Variants in MAF observed in about 807,000 individuals in gnomAD.
The protein encoded by MAF is MAF bZIP transcription factor, also known as transcription factor Maf.
Under a neutral mutation model 22.0 loss-of-function variants are expected in MAF, and 10 were observed. That is an observed-to-expected ratio of 0.45 (90% CI 0.28 to 0.77). The LOEUF (loss-of-function observed/expected upper bound fraction) is 0.77, where lower values mean the gene tolerates loss of function less well. MAF is among the 30% of genes least tolerant of loss of function. MAF has a pLI of 0.12. For missense variants in MAF, 544 were observed against 548.4 expected (o/e 0.99, Z 0.08); for synonymous variants, 337 against 255.8 (o/e 1.32, Z -3.03).
the MAF span, among the ~76,000 whole-genome samples, chr16:79,237,892 G>A: frequency 6.6e-6 from 1 of 152,106 alleles, no homozygotes; most frequent in African/African-American, 2.4e-5. Flanking sequence ...GGTCTAGCCA[G>A]ATGCACCCTC....
chr16:79,449,169 G>A, the MAF span, among the ~76,000 whole-genome samples: 23 of 152,240 alleles, frequency 1.5e-4, no homozygotes, highest in Middle Eastern at 3.4e-3. Context: ...ATCTAATGCT[G>A]CCACCGATCT....
chr16:79,524,586 T>C, the MAF span, among the ~76,000 whole-genome samples: 7 of 152,234 alleles, frequency 4.6e-5, no homozygotes, highest in African/African-American at 1.7e-4. Flanking sequence ...TCATTGCACT[T>C]GGTTGCATTA....
the MAF span, among the ~76,000 whole-genome samples, chr16:79,240,663 G>A: frequency 6.6e-6 from 1 of 151,890 alleles, no homozygotes; most frequent in Non-Finnish European, 1.5e-5. Flanking sequence ...AAAGAGAGCA[G>A]CAGAACTCCC....
the MAF span, among the ~76,000 whole-genome samples, chr16:79,408,855 G>A: frequency 2.0e-5 from 3 of 152,112 alleles, no homozygotes; most frequent in Non-Finnish European, 2.9e-5. Flanking sequence ...TAAGAAATCA[G>A]ATGGGGGGTC....
At chr16:79,467,363 G>C in the MAF span, among the ~76,000 whole-genome samples, 2 of 152,180 alleles carry the variant, frequency 1.3e-5, no homozygotes, top group Non-Finnish European at 2.9e-5. Context: ...CAGGCACGCA[G>C]CTGCTTTGCT....
the MAF span, among the ~76,000 whole-genome samples, chr16:79,324,585 T>A: frequency 6.6e-6 from 1 of 151,788 alleles, no homozygotes; most frequent in South Asian, 2.1e-4. Context: ...GAATCGGAGG[T>A]CCAGGAAGGC....
the MAF span, among the ~76,000 whole-genome samples, chr16:79,294,097 T>G: frequency 6.6e-6 from 1 of 152,182 alleles, no homozygotes; most frequent in Non-Finnish European, 1.5e-5. Context: ...CTGAACCTTC[T>G]GCACGAGTGT....
the MAF span, among the ~76,000 whole-genome samples, chr16:79,483,544 A>T: frequency 3.3e-5 from 5 of 151,932 alleles, no homozygotes; most frequent in African/African-American, 4.8e-5. Flanking sequence ...GAATTAGAAG[A>T]GAATAGAATG....
the MAF span, among the ~76,000 whole-genome samples, chr16:79,573,228 T>A: frequency 1.3e-5 from 2 of 152,338 alleles, no homozygotes; most frequent in South Asian, 4.1e-4. Flanking sequence ...ATTTTTGTTG[T>A]GTTTTTGTTT....
At chr16:79,274,158 T>C in the MAF span, among the ~76,000 whole-genome samples, 24 of 152,180 alleles carry the variant, frequency 1.6e-4, 1 homozygote, top group South Asian at 2.7e-3. Context: ...TTTTGCCATA[T>C]TGGCCAGGCT....
the MAF span, among the ~76,000 whole-genome samples, chr16:79,407,089 C>T: frequency 1.3e-5 from 2 of 152,212 alleles, no homozygotes; most frequent in African/African-American, 4.8e-5. Context: ...AGGTTGGCAC[C>T]AGGGAGGGTG....
downstream of MAF, among the ~76,000 whole-genome samples, chr16:79,584,243 G>C (rs1912704188): frequency 6.6e-6 from 1 of 152,214 alleles, no homozygotes; most frequent in East Asian, 1.9e-4. Flanking sequence ...AAAAGCTAGT[G>C]GTTCATCAGT....
chr16:79,595,886 C>G, intron 1 of MAF: 1 of 1,058,016 alleles, frequency 9.5e-7, no homozygotes, highest in Non-Finnish European at 1.1e-6. Context: ...AGTGGATTTT[C>G]TTTTTCCTAT....
chr16:79,553,137 C>T, the MAF span, among the ~76,000 whole-genome samples: 4 of 152,206 alleles, frequency 2.6e-5, no homozygotes, highest in East Asian at 3.9e-4. Flanking sequence ...AGAATGTGCC[C>T]GGCACACAGC....
chr16:79,242,487 G>T, the MAF span, among the ~76,000 whole-genome samples: 7 of 151,930 alleles, frequency 4.6e-5, no homozygotes, highest in East Asian at 1.4e-3. Context: ...AGGGATCAAT[G>T]CAACAAGAAG....
At chr16:79,367,537 T>C in the MAF span, among the ~76,000 whole-genome samples, 1 of 152,172 alleles carries the variant, frequency 6.6e-6, no homozygotes, top group Admixed American at 6.5e-5. Flanking sequence ...TCTTGGAGGA[T>C]ACTACATACT....
At chr16:79,552,201 G>A in the MAF span, among the ~76,000 whole-genome samples, 44 of 148,272 alleles carry the variant, frequency 3.0e-4, no homozygotes, top group Admixed American at 9.1e-4. Context: ...CTGAACCTTG[G>A]CATCTGCTGC....
the MAF span, among the ~76,000 whole-genome samples, chr16:79,533,704 G>A: frequency 3.3e-5 from 5 of 152,210 alleles, no homozygotes; most frequent in South Asian, 4.2e-4. Flanking sequence ...CTGACTTCCC[G>A]TCACCTTTAT....
chr16:79,472,202 G>C, the MAF span, among the ~76,000 whole-genome samples: 1 of 152,116 alleles, frequency 6.6e-6, no homozygotes, highest in African/African-American at 2.4e-5. Context: ...ATGGAGAGAA[G>C]AATAAATATA....
Sources: gnomAD v4.1 joint callset for allele counts (sites outside exome capture counted in the v4.1 genomes callset) on GRCh38, gnomAD v4.1.1 for gene constraint, MANE v1.5 for transcripts, NCBI Gene and HGNC (gene_info 2026-07-23, HGNC 2026-07-21) for gene names.